The following ZNF398 variants were observed in gnomAD, a reference collection of about 807,000 sequenced individuals.
The protein encoded by ZNF398 is zinc finger protein 398.
Under a neutral mutation model 41.9 loss-of-function variants are expected in ZNF398, and 18 were observed. The observed-to-expected ratio is 0.43, with a 90% CI of 0.30 to 0.64. The LOEUF is 0.64. Among genes scored for constraint, ZNF398 ranks in the 30% least tolerant of loss-of-function variants. The pLI, the probability that ZNF398 is intolerant of heterozygous loss-of-function variation, is 0.14. For synonymous variants in ZNF398, 260 were observed against 308.8 expected (o/e 0.84, Z 1.66); for missense variants, 669 against 822.8 (o/e 0.81, Z 2.29).
rs369947344 is a variant in ZNF398, at chr7:149,154,275, C to G, written c.355C>G (p.Leu119Val). Residue 119 changes from leucine (L) to valine (V), a missense_variant, in exon 2 of 6, where the codon CTG (leucine) becomes GTG (valine). Around this residue, in one of 3 missense-constraint regions of ZNF398, gnomAD observed 169 missense variants for 239.5 expected, o/e 0.71. Coordinates refer to ENST00000475153, the MANE Select transcript of ZNF398 (RefSeq NM_170686.3). ...LQRRLENLEN[L>V]LRNRNFWILR... is the part of the protein sequence containing the mutation. ...GAGGCGGCTGGAGAACTTGGAGAACCTGCTGCGCAACAGGAACTTCTGGAT... is the reference window on the plus strand; with the variant it reads ...GAGGCGGCTGGAGAACTTGGAGAACGTGCTGCGCAACAGGAACTTCTGGAT... 4.3e-6 allele frequency: 7 copies of G among 1,614,144 alleles called. No homozygotes were observed. In the East Asian group the frequency reaches 6.7e-5, roughly 15 times the overall value.
chr7:149,132,485 C>T (rs538533753), intron 2 of ZNF398, among the ~76,000 whole-genome samples: 3 of 152,060 alleles, frequency 2.0e-5, no homozygotes, highest in South Asian at 2.1e-4. Context: ...TTAGCCACCC[C>T]GCCCGGCCTA....
At chr7:149,173,013 C>T (rs1026768370) in intron 4 of ZNF398, among the ~76,000 whole-genome samples, 5 of 150,514 alleles carry the variant, frequency 3.3e-5, no homozygotes, top group South Asian at 2.1e-4. Context: ...TTGCTAGTGG[C>T]GGGTCTTGCC....
chr7:149,133,678 T>TATATACACACAC (rs1483673161), intron 2 of ZNF398, among the ~76,000 whole-genome samples: 4 of 67,022 alleles, frequency 6.0e-5, no homozygotes, highest in African/African-American at 2.4e-4. Flanking sequence ...TATATATATA[T>TATATACACACAC]ACATATATAT....
chr7:149,179,122 T>C lies in ZNF398; in HGVS notation c.1250T>C (p.Leu417Pro). Residue 417 changes from leucine to proline, a missense_variant, in exon 6 of 6, where the codon CTT becomes CCT. Leu to Pro is a moderately conservative substitution (Grantham distance 98, BLOSUM62 -3). Coordinates refer to ENST00000475153, the MANE Select transcript of ZNF398 (RefSeq NM_170686.3). This position sits in a 1 kb window ranked among gnomAD's most constrained non-coding sequence, Gnocchi z 6.1. ...CACCCATCAAGACTTACCTACCATC[T>C]TCGGGTCCATAACAGCACTGAGCGT... ...FTHPSRLTYH[L>P]RVHNSTERPF... 1 of 1,614,052 alleles carries C rather than the reference T, an allele frequency of 6.2e-7. No homozygotes were observed. Among genetic ancestry groups the C allele is most frequent in the Non-Finnish European group, 8.5e-7 (1 of 1,180,014 alleles).
chr7:149,126,429 G>C, exon 1 of ZNF398: 1 of 854,778 alleles, frequency 1.2e-6, no homozygotes, highest in Non-Finnish European at 1.7e-6. Flanking sequence ...GTCCTCAGAG[G>C]AGGGGCCCGG....
chr7:149,161,524 C>G (rs1263668980), intron 2 of ZNF398, among the ~76,000 whole-genome samples: 2 of 152,214 alleles, frequency 1.3e-5, no homozygotes, highest in African/African-American at 4.8e-5. Flanking sequence ...ATGATCACAT[C>G]ACTGCACCCC....
upstream of ZNF398, among the ~76,000 whole-genome samples, chr7:149,142,616 A>G (rs1251739643): frequency 2.0e-5 from 3 of 152,198 alleles, no homozygotes; most frequent in East Asian, 1.9e-4. Flanking sequence ...GCAGTGAGCC[A>G]AGATCGCGCC....
chr7:149,164,129 C>T (rs773839281), intron 2 of ZNF398, among the ~76,000 whole-genome samples: 8 of 139,650 alleles, frequency 5.7e-5, no homozygotes, highest in African/African-American at 1.1e-4. Context: ...GAAAGAGGGC[C>T]GGGCGCAGTG....
upstream of ZNF398, among the ~76,000 whole-genome samples, chr7:149,145,942 CTTT>C (rs34950278): frequency 2.9e-5 from 3 of 103,100 alleles, no homozygotes; most frequent in Admixed American, 1.3e-4. Context: ...CTCGCAGGTC[CTTT>C]TTTTTTTTTT....
chr7:149,127,548 C>CAAAAAAAAAAAA (rs61080328), intron 1 of ZNF398, among the ~76,000 whole-genome samples: 63 of 74,770 alleles, frequency 8.4e-4, no homozygotes, highest in East Asian at 1.7e-3. Context: ...ACTAAAAATA[C>CAAAAAAAAAAAA]AAAAAAAAAA....
At chr7:149,163,860 C>A (rs1182311395) in intron 2 of ZNF398, among the ~76,000 whole-genome samples, 2 of 152,172 alleles carry the variant, frequency 1.3e-5, no homozygotes. Flanking sequence ...CGCCTGTAAT[C>A]CCAGCACTTT....
In ZNF398 at chr7:149,160,949, G is replaced by A. The variant is rs534806940; in HGVS notation, c.421-5209G>A. Among the ~76,000 whole-genome samples the A allele has an allele frequency of 1.4e-3, 217 of 152,232 alleles. 1 individual carries two copies. The highest frequency in any genetic ancestry group is 2.0e-3 in the Non-Finnish European group (135 of 68,018). The stretch of plus-strand genomic sequence containing the variant: ...GGGCTAGAGTGGGGGCGGGCTGCTG[G>A]CTGAGGTGGTGTCTCTGCTCTGCAC... On this transcript the variant is annotated intron_variant, in intron 2 of 5. Coordinates refer to ENST00000475153, the MANE Select transcript of ZNF398 (RefSeq NM_170686.3).
intron 1 of ZNF398, among the ~76,000 whole-genome samples, chr7:149,149,774 G>T (rs919205979): frequency 6.6e-6 from 1 of 152,110 alleles, no homozygotes. Context: ...GGAGGTGGAG[G>T]CTGCAGTGAG....
intron 2 of ZNF398, among the ~76,000 whole-genome samples, chr7:149,162,184 G>T (rs1795118776): frequency 6.6e-6 from 1 of 151,596 alleles, no homozygotes; most frequent in South Asian, 2.1e-4. Context: ...ACCACAGCTG[G>T]TTAATTTTTT....
At chr7:149,153,258 G>A (rs947661801) in intron 1 of ZNF398, among the ~76,000 whole-genome samples, 2 of 152,124 alleles carry the variant, frequency 1.3e-5, no homozygotes, top group Non-Finnish European at 2.9e-5. Context: ...CAGGAGGATT[G>A]CTTGAGTGAG....
At chr7:149,163,466 G>T (rs543417448) in intron 2 of ZNF398, among the ~76,000 whole-genome samples, 1 of 146,716 alleles carries the variant, frequency 6.8e-6, no homozygotes, top group Non-Finnish European at 1.5e-5. Context: ...TCCGCCTCCC[G>T]AGTTCAAGCG....
At chr7:149,155,715 T>TAA (rs1389296763) in intron 2 of ZNF398, among the ~76,000 whole-genome samples, 20 of 26,786 alleles carry the variant, frequency 7.5e-4, no homozygotes, top group African/African-American at 1.5e-3. Flanking sequence ...ATATTTTTTT[T>TAA]TTTTTTTTTT....
chr7:149,130,886 G>T (rs1276982999), intron 2 of ZNF398, among the ~76,000 whole-genome samples: 14 of 152,188 alleles, frequency 9.2e-5, no homozygotes, highest in Admixed American at 2.6e-4. Context: ...GGGAGGAAAT[G>T]TAACCATATG....
chr7:149,161,860 G>A (rs1795111035), intron 2 of ZNF398, among the ~76,000 whole-genome samples: 1 of 149,610 alleles, frequency 6.7e-6, no homozygotes, highest in Non-Finnish European at 1.5e-5. Context: ...GCAAGAATTA[G>A]AAACTCCAGT....
Sources: gnomAD v4.1 joint callset for allele counts (sites outside exome capture counted in the v4.1 genomes callset) on GRCh38, gnomAD v4.1.1 for gene constraint, gnomAD v4.1.1 regional missense constraint, Gnocchi (gnomAD v3.1) non-coding constraint, MANE v1.5 for transcripts, NCBI Gene and HGNC (gene_info 2026-07-23, HGNC 2026-07-21) for gene names.